CMSS1: variants seen among roughly 807,000 people sequenced by gnomAD.
CMSS1 encodes the protein protein CMSS1.
A neutral mutation model predicts 43.5 loss-of-function variants in CMSS1; 33 were observed. The observed-to-expected ratio is 0.76, with a 90% confidence interval of 0.57 to 1.01. The LOEUF is 1.01. Ranked by LOEUF, CMSS1 falls within the 50% of genes least tolerant of loss-of-function variation. The pLI, the probability that CMSS1 is intolerant of heterozygous loss-of-function variation, is 0.00. For synonymous variants in CMSS1, 115 were observed against 117.2 expected (o/e 0.98, Z 0.12); for missense variants, 313 against 326.4 (o/e 0.96, Z 0.32).
At chr3:99,873,933 A>G (rs994755137) in intron 1 of CMSS1, among the ~76,000 whole-genome samples, 3 of 152,328 alleles carry the variant, frequency 2.0e-5, no homozygotes, top group African/African-American at 7.2e-5. Context: ...AAGTGTAGAA[A>G]TTCACATTCA....
At chr3:100,007,337 G>A (rs999352310) in intron 1 of CMSS1, among the ~76,000 whole-genome samples, 1 of 152,118 alleles carries the variant, frequency 6.6e-6, no homozygotes, top group South Asian at 2.1e-4. Context: ...AGTCCATGTA[G>A]AGGAGAGCTT....
At chr3:100,055,414 C>G (rs544207389) in intron 1 of CMSS1, among the ~76,000 whole-genome samples, 1 of 152,178 alleles carries the variant, frequency 6.6e-6, no homozygotes, top group East Asian at 1.9e-4. Context: ...TCGGAAATTC[C>G]TAGGACATGT....
At chr3:99,827,102 T>A (rs1942549773) in intron 1 of CMSS1, among the ~76,000 whole-genome samples, 1 of 152,244 alleles carries the variant, frequency 6.6e-6, no homozygotes, top group Non-Finnish European at 1.5e-5. Context: ...ACTTTATAGT[T>A]GTATTTGCAT....
At chr3:100,109,922 AC>A (rs1472378226) in intron 1 of CMSS1, 1 of 33,384 alleles carries the variant, frequency 3.0e-5, no homozygotes, top group Non-Finnish European at 5.9e-5. Context: ...CCCCAGCACC[AC>A]CCCCCAGCCA....
At chr3:100,002,177 T>C (rs763723838) in intron 1 of CMSS1, among the ~76,000 whole-genome samples, 10 of 152,218 alleles carry the variant, frequency 6.6e-5, no homozygotes, top group Non-Finnish European at 1.5e-4. Flanking sequence ...TATTTGGAGC[T>C]GATGGTGTTG....
chr3:100,026,265 A>G (rs1450068708), intron 1 of CMSS1, among the ~76,000 whole-genome samples: 3 of 152,102 alleles, frequency 2.0e-5, no homozygotes, highest in East Asian at 3.8e-4. Flanking sequence ...GGGCAAATTT[A>G]TGTTATATTT....
intron 1 of CMSS1, among the ~76,000 whole-genome samples, chr3:99,906,087 C>T (rs182404717): frequency 3.0e-4 from 45 of 152,090 alleles, no homozygotes; most frequent in African/African-American, 1.0e-3. Flanking sequence ...CAGCTACCTG[C>T]GGGGGCTGAG....
At chr3:100,091,296 A>AG (rs1257625898) in intron 1 of CMSS1, among the ~76,000 whole-genome samples, 3 of 148,218 alleles carry the variant, frequency 2.0e-5, no homozygotes, top group African/African-American at 4.9e-5. Context: ...AAAAAAAAAA[A>AG]AAAAAAGAAA....
chr3:100,056,146 A>G (rs1257238689), intron 1 of CMSS1, among the ~76,000 whole-genome samples: 2 of 152,208 alleles, frequency 1.3e-5, no homozygotes, highest in Admixed American at 6.5e-5. Flanking sequence ...TAGAGAAGAA[A>G]GCTACATAGG....
chr3:100,123,251 A>G (rs139112404), intron 1 of CMSS1, among the ~76,000 whole-genome samples: 351 of 152,324 alleles, frequency 2.3e-3, no homozygotes, highest in Middle Eastern at 0.01. Context: ...TGAAGGAGCT[A>G]GAGGAGGAAG....
At chr3:100,004,770 C>T (rs947240341) in intron 1 of CMSS1, among the ~76,000 whole-genome samples, 2 of 152,162 alleles carry the variant, frequency 1.3e-5, no homozygotes, top group African/African-American at 4.8e-5. Context: ...CACGTAATGT[C>T]ATCAAAATGA....
intron 1 of CMSS1, among the ~76,000 whole-genome samples, chr3:99,967,553 A>G (rs756812762): frequency 2.0e-5 from 3 of 152,204 alleles, no homozygotes; most frequent in Non-Finnish European, 4.4e-5. Flanking sequence ...ATTGAGGAAT[A>G]TGGTGAGTCC....
At chr3:99,914,625 G>A (rs1254890509) in intron 1 of CMSS1, among the ~76,000 whole-genome samples, 4 of 152,120 alleles carry the variant, frequency 2.6e-5, no homozygotes, top group Non-Finnish European at 5.9e-5. Flanking sequence ...GTTAGTAATG[G>A]TATAAATATC....
chr3:99,850,280 T>C (rs1187360335), intron 1 of CMSS1: 8 of 1,613,842 alleles, frequency 5.0e-6, no homozygotes, highest in Non-Finnish European at 6.8e-6. Context: ...ATCCTTACTT[T>C]TAAACTCTCC....
At chr3:100,022,233 AC>A (rs2064839117) in intron 1 of CMSS1, among the ~76,000 whole-genome samples, 1 of 152,140 alleles carries the variant, frequency 6.6e-6, no homozygotes. Context: ...GAGATGTCAA[AC>A]GTCAAACACA....
At chr3:100,135,437 C>CGTGTGTGTGT (rs1559767923) in intron 1 of CMSS1, among the ~76,000 whole-genome samples, 3 of 60,136 alleles carry the variant, frequency 5.0e-5, no homozygotes, top group African/African-American at 1.9e-4. Context: ...TGTGTGTGTG[C>CGTGTGTGTGT]ATGTGTGTGT....
chr3:99,939,537 A>G (rs1236250781), intron 1 of CMSS1, among the ~76,000 whole-genome samples: 1 of 152,206 alleles, frequency 6.6e-6, no homozygotes, highest in Non-Finnish European at 1.5e-5. Context: ...AAAGATATGC[A>G]TGGAATTGGG....
intron 1 of CMSS1, among the ~76,000 whole-genome samples, chr3:99,961,205 C>T (rs1559704627): frequency 1.3e-5 from 2 of 152,240 alleles, no homozygotes; most frequent in African/African-American, 4.8e-5. Flanking sequence ...GGAGGTGGTG[C>T]GGAGAATGCC....
chr3:100,088,180 T>G (rs1399313845), intron 1 of CMSS1, among the ~76,000 whole-genome samples: 1 of 152,202 alleles, frequency 6.6e-6, no homozygotes, highest in Non-Finnish European at 1.5e-5. Flanking sequence ...AAGTGAAATT[T>G]GGGAGCTTGC....
Sources: allele counts gnomAD v4.1 joint callset (sites outside exome capture counted in the v4.1 genomes callset), GRCh38; gene constraint gnomAD v4.1.1; transcripts MANE v1.5; gene names NCBI Gene and HGNC (gene_info 2026-07-23, HGNC 2026-07-21).